The following SHB variants were observed in gnomAD, a reference collection of about 807,000 sequenced individuals.
SHB encodes the protein SH2 domain-containing adapter protein B.
A neutral mutation model predicts 52.3 loss-of-function variants in SHB; 20 were observed. That is an observed-to-expected ratio of 0.38 (90% CI 0.27 to 0.56). The LOEUF is 0.56. Ranked by LOEUF, SHB falls within the 20% of genes least tolerant of loss-of-function variation. SHB has a pLI of 0.71. For synonymous variants in SHB, 397 were observed against 316.5 expected (o/e 1.25, Z -2.70); for missense variants, 825 against 723.3 (o/e 1.14, Z -1.61).
chr9:37,973,056 T>C (rs1244385495), intron 3 of SHB, among the ~76,000 whole-genome samples: 1 of 152,188 alleles, frequency 6.6e-6, no homozygotes, highest in Non-Finnish European at 1.5e-5. Flanking sequence ...CTCTTAACAT[T>C]AGACATAAGC....
chr9:37,976,887 G>A (rs1434769394), intron 2 of SHB, among the ~76,000 whole-genome samples: 2 of 152,194 alleles, frequency 1.3e-5, no homozygotes, highest in Admixed American at 1.3e-4. Flanking sequence ...CAGCCCTTCC[G>A]AGAAAGAGAG....
intron 1 of SHB, among the ~76,000 whole-genome samples, chr9:38,067,202 C>T (rs938771982): frequency 6.6e-6 from 1 of 151,934 alleles, no homozygotes; most frequent in Non-Finnish European, 1.5e-5. Context: ...AGGAAGGAAG[C>T]AGGTGAGGAT....
intron 2 of SHB, among the ~76,000 whole-genome samples, chr9:37,984,932 A>G (rs1007635659): frequency 6.6e-6 from 1 of 152,184 alleles, no homozygotes; most frequent in African/African-American, 2.4e-5. Flanking sequence ...AAGGCAGGGC[A>G]GGGCAGCTCA....
chr9:37,918,798 T>C lies in SHB; in HGVS notation c.*1023A>G, dbSNP rs947088926. On this transcript the variant is annotated 3_prime_UTR_variant, in exon 6 of 6. Transcript: ENST00000377707. ...GCCAGCTGGGTGCTGTGTCCAGGGGTTGGGGGGGTGTCAACACAGACGTCC... is the reference window on the plus strand; with the variant it reads ...GCCAGCTGGGTGCTGTGTCCAGGGGCTGGGGGGGTGTCAACACAGACGTCC... Among the ~76,000 whole-genome samples, 3 of 151,684 alleles carry C rather than the reference T, an allele frequency of 2.0e-5. No homozygotes were observed. The highest frequency in any genetic ancestry group is 7.3e-5 in the African/African-American group (3 of 41,216).
At chr9:37,975,552 T>A (rs763282486) in intron 2 of SHB, among the ~76,000 whole-genome samples, 5 of 152,174 alleles carry the variant, frequency 3.3e-5, no homozygotes, top group Non-Finnish European at 7.3e-5. Context: ...TGACTGCCTG[T>A]CTAGACGAGG....
chr9:37,957,344 C>T (rs1206313276), intron 3 of SHB, among the ~76,000 whole-genome samples: 2 of 152,246 alleles, frequency 1.3e-5, no homozygotes, highest in Non-Finnish European at 2.9e-5. Flanking sequence ...GAAACCTCAG[C>T]GCTGGCGGGG....
At chr9:38,013,983 G>A (rs548178280) in intron 2 of SHB, among the ~76,000 whole-genome samples, 16 of 152,200 alleles carry the variant, frequency 1.1e-4, no homozygotes, top group Non-Finnish European at 1.9e-4. Context: ...TGCCCAGCAT[G>A]GAGTCTGGTC....
At chr9:37,957,766 G>C (rs112621138) in intron 3 of SHB, among the ~76,000 whole-genome samples, 15 of 152,386 alleles carry the variant, frequency 9.8e-5, no homozygotes, top group African/African-American at 3.4e-4. Context: ...CTGCCTATCA[G>C]TGGCTGGGGA....
At chr9:38,040,459 G>A (rs1038154449) in intron 1 of SHB, among the ~76,000 whole-genome samples, 2 of 152,240 alleles carry the variant, frequency 1.3e-5, no homozygotes, top group East Asian at 1.9e-4. Context: ...GTGCAGTGGA[G>A]GGACAGAGAG....
intron 4 of SHB, among the ~76,000 whole-genome samples, chr9:37,952,953 A>G (rs140814506): frequency 4.6e-5 from 7 of 152,074 alleles, no homozygotes; most frequent in South Asian, 2.1e-4. Flanking sequence ...CTGATGCTAC[A>G]TGTCTGTGAG....
rs557456231 is a variant in SHB at position 37,953,340 on chromosome 9, G to A, written c.1226+2543C>T. Among the ~76,000 whole-genome samples, 195 of 152,296 alleles carry A rather than the reference G, an allele frequency of 1.3e-3. 1 individual carries two copies. The South Asian group carries it at 0.017, about 14-fold the overall frequency. ...GGGCACTGTTCTAGGCACAGGGGAT[G>A]CAGTGGTGACCTAGACAAGTTCCTG... On this transcript the variant is annotated intron_variant, in intron 4 of 5. Coordinates refer to ENST00000377707, the MANE Select transcript of SHB (RefSeq NM_003028.3).
intron 1 of SHB, among the ~76,000 whole-genome samples, chr9:38,026,216 AAGCCAGGCCTCTGTGCCCC>A (rs1163494972): frequency 6.6e-6 from 1 of 152,232 alleles, no homozygotes; most frequent in East Asian, 1.9e-4. Flanking sequence ...GTACCTTTCA[AAGCCAGGCCTCTGTGCCCC>A]AGCCAAGGCC....
chr9:37,920,191 C>G (rs1285433609), intron 5 of SHB, among the ~76,000 whole-genome samples, 187 bp from the exon 6 acceptor site: 1 of 152,090 alleles, frequency 6.6e-6, no homozygotes, highest in South Asian at 2.1e-4. Context: ...ACCCCCAATT[C>G]CGGCATCTGA....
At chr9:38,005,820 G>A (rs1002900690) in intron 2 of SHB, among the ~76,000 whole-genome samples, 4 of 152,058 alleles carry the variant, frequency 2.6e-5, no homozygotes, top group South Asian at 4.2e-4. Flanking sequence ...AACTGTGGCC[G>A]GCTGTCTCCT....
At chr9:38,026,492 T>A (rs1315743026) in intron 1 of SHB, among the ~76,000 whole-genome samples, 1 of 152,360 alleles carries the variant, frequency 6.6e-6, no homozygotes, top group East Asian at 1.9e-4. Context: ...CAGGCCCCTT[T>A]AAGGCACAAG....
intron 4 of SHB, among the ~76,000 whole-genome samples, chr9:37,949,569 G>C (rs560743352): frequency 6.6e-6 from 1 of 152,296 alleles, no homozygotes; most frequent in African/African-American, 2.4e-5. Context: ...GCGTATTCTG[G>C]AAACAGCTAG....
chr9:37,970,139 G>A (rs1564091076), intron 3 of SHB, among the ~76,000 whole-genome samples: 1 of 152,236 alleles, frequency 6.6e-6, no homozygotes, highest in Non-Finnish European at 1.5e-5. Flanking sequence ...ACCTGACTGG[G>A]CATTGTCCTG....
intron 2 of SHB, among the ~76,000 whole-genome samples, chr9:37,995,870 G>A (rs1471926544): frequency 6.6e-6 from 1 of 152,134 alleles, no homozygotes; most frequent in African/African-American, 2.4e-5. Context: ...TTTAAAATCA[G>A]TTGCTCTGAG....
chr9:37,956,683 C>G (rs1365147997), intron 3 of SHB, among the ~76,000 whole-genome samples: 3 of 152,226 alleles, frequency 2.0e-5, no homozygotes, highest in Non-Finnish European at 4.4e-5. Context: ...CGTTCACCCC[C>G]ACAGGCTGGG....
Sources: gnomAD v4.1 joint callset for allele counts (sites outside exome capture counted in the v4.1 genomes callset) on GRCh38, gnomAD v4.1.1 for gene constraint, MANE v1.5 for transcripts, NCBI Gene and HGNC (gene_info 2026-07-23, HGNC 2026-07-21) for gene names.